BCL2L13: variants seen among roughly 807,000 people sequenced by gnomAD.
The protein encoded by BCL2L13 is BCL2 like 13.
BCL2L13 carries 13 observed loss-of-function variants against 25.8 expected under a neutral mutation model. The observed-to-expected ratio is 0.50, with a 90% CI of 0.33 to 0.80. The LOEUF is 0.80. Ranked by LOEUF, BCL2L13 falls within the 30% of genes least tolerant of loss-of-function variation. BCL2L13 has a pLI of 0.02. For synonymous variants in BCL2L13, 244 were observed against 230.3 expected, an observed-to-expected ratio of 1.06 and a Z score of -0.54; for missense variants, 504 against 574.9, an observed-to-expected ratio of 0.88 and a Z score of 1.26.
intron 6 of BCL2L13, among the ~76,000 whole-genome samples, chr22:17,720,502 A>G (rs1432072386): frequency 6.6e-6 from 1 of 151,830 alleles, no homozygotes; most frequent in Admixed American, 6.6e-5. Flanking sequence ...GATTACAGGC[A>G]TGTGCCACCA....
intron 2 of BCL2L13, among the ~76,000 whole-genome samples, chr22:17,656,129 A>T (rs1029196592): frequency 1.3e-5 from 2 of 150,730 alleles, no homozygotes; most frequent in Non-Finnish European, 3.0e-5. Context: ...TAGTCCAGCT[A>T]CTCAGGAGGC....
chr22:17,687,749 C>A (rs1022024115), intron 3 of BCL2L13, among the ~76,000 whole-genome samples: 6 of 151,726 alleles, frequency 4.0e-5, no homozygotes, highest in African/African-American at 9.7e-5. Flanking sequence ...GATCTCCTGA[C>A]CTCGTGATCT....
intron 1 of BCL2L13, among the ~76,000 whole-genome samples, chr22:17,640,995 A>G (rs984978575): frequency 1.3e-5 from 2 of 150,886 alleles, no homozygotes; most frequent in Non-Finnish European, 2.9e-5. Flanking sequence ...AGTTCACACC[A>G]TTCTCCTGCC....
intron 1 of BCL2L13, among the ~76,000 whole-genome samples, chr22:17,632,746 C>A (rs944253597): frequency 1.0e-4 from 14 of 139,478 alleles, no homozygotes; most frequent in Non-Finnish European, 2.2e-4. Flanking sequence ...CTTTATGATT[C>A]TTCTTCTTTT....
chr22:17,709,485 C>T (rs913459993), intron 6 of BCL2L13, among the ~76,000 whole-genome samples: 4 of 152,046 alleles, frequency 2.6e-5, no homozygotes, highest in Non-Finnish European at 5.9e-5. Context: ...GTCCCAGCAA[C>T]TCGGGAGGCT....
At chr22:17,712,461 A>G (rs1400959383) in intron 6 of BCL2L13, among the ~76,000 whole-genome samples, 3 of 152,218 alleles carry the variant, frequency 2.0e-5, no homozygotes, top group Non-Finnish European at 4.4e-5. Context: ...TAAGGGACAA[A>G]TGGGAACTTT....
chr22:17,726,621 T>C (rs2061305754), intron 6 of BCL2L13, 56 bp from the exon 7 acceptor site: 2 of 1,549,780 alleles, frequency 1.3e-6, no homozygotes, highest in Non-Finnish European at 1.7e-6. Context: ...CAGATTGATG[T>C]TTATGTTTTA....
chr22:17,723,911 G>A (rs568663297), intron 6 of BCL2L13, among the ~76,000 whole-genome samples: 16 of 148,180 alleles, frequency 1.1e-4, no homozygotes, highest in Non-Finnish European at 2.1e-4. Context: ...CCAGCCTGAT[G>A]ACAGAGTGAG....
chr22:17,652,934 G>A (rs905136407), intron 1 of BCL2L13, among the ~76,000 whole-genome samples: 12 of 151,932 alleles, frequency 7.9e-5, no homozygotes, highest in Non-Finnish European at 1.5e-4. Flanking sequence ...GCGTGGTGGC[G>A]GGCACCTGTA....
At chr22:17,684,747 T>TCAGCG (rs2059861029) in intron 3 of BCL2L13, 1 of 358,328 alleles carries the variant, frequency 2.8e-6, no homozygotes, top group African/African-American at 2.2e-5. Flanking sequence ...GTATTTTTTT[T>TCAGCG]TTTTTTGACA....
chr22:17,639,035 C>T, intron 1 of BCL2L13, 149 bp downstream of exon 1: 1 of 646,416 alleles, frequency 1.5e-6, no homozygotes, highest in Non-Finnish European at 2.2e-6. Context: ...TACACCGGCG[C>T]TCCTTCGCCC....
intron 6 of BCL2L13, among the ~76,000 whole-genome samples, chr22:17,704,095 T>C (rs1300608309): frequency 1.3e-5 from 2 of 152,190 alleles, no homozygotes; most frequent in Non-Finnish European, 2.9e-5. Context: ...CATTAATACT[T>C]CTTTTTTTTT....
chr22:17,668,612 G>A (rs138564219), intron 2 of BCL2L13, among the ~76,000 whole-genome samples: 103 of 151,890 alleles, frequency 6.8e-4, no homozygotes, highest in African/African-American at 2.4e-3. Context: ...CACCACAGGC[G>A]TGCACCACGA....
At chr22:17,639,581 ACTG>A (rs1457886013) in intron 1 of BCL2L13, among the ~76,000 whole-genome samples, 1 of 152,152 alleles carries the variant, frequency 6.6e-6, no homozygotes, top group Non-Finnish European at 1.5e-5. Context: ...CATGCTGTTG[ACTG>A]CTGGCTTTGG....
chr22:17,689,107 G>A lies in BCL2L13; in HGVS notation c.351G>A (p.Glu117=), dbSNP rs756663576. The change falls in exon 4 of 7, where the codon GAG becomes GAA. Residue 117 remains glutamate, a synonymous_variant. Transcript: ENST00000317582. ...LGEKVSQELK[E]PLHKALQMLL... is the part of the protein sequence containing the mutation. ...AAAAAGTGTCCCAGGAACTGAAAGA[G>A]CCTCTCCATAAAGCATTGCAAATGC... The A allele has an allele frequency of 1.2e-5, 19 of 1,614,040 alleles. No individual in the cohort carries two copies. The East Asian group carries it at 1.8e-4, about 15-fold the overall frequency.
rs571557906 is a variant in BCL2L13, at chr22:17,727,144, G to T, written c.1068G>T (p.Gly356=). The part of the protein sequence containing the change: ...LPHITATSLL[G]TREPDTEVIT... ...ATATCACTGCCACCTCCCTGCTGGG[G>T]ACAAGGGAACCTGACACAGAAGTGA... The change falls in exon 7 of 7, where the codon GGG becomes GGT. Residue 356 remains glycine, a synonymous_variant. Transcript: ENST00000317582. 336 of 1,614,208 alleles carry T rather than the reference G, an allele frequency of 2.1e-4. 2 individuals are homozygous for T. In the South Asian group the frequency reaches 3.5e-3, roughly 17 times the overall value.
intron 2 of BCL2L13, among the ~76,000 whole-genome samples, chr22:17,679,168 C>G (rs1233632846): frequency 6.6e-6 from 1 of 151,482 alleles, no homozygotes; most frequent in African/African-American, 2.4e-5. Flanking sequence ...CTGAATGCTT[C>G]TGGCTAAAAA....
At chr22:17,668,558 A>G (rs991182464) in intron 2 of BCL2L13, among the ~76,000 whole-genome samples, 1 of 151,380 alleles carries the variant, frequency 6.6e-6, no homozygotes, top group Non-Finnish European at 1.5e-5. Context: ...GGTTCAAGCA[A>G]TTCTCCTGCC....
Position 17,726,754 on chromosome 22 carries a change from C to G in BCL2L13, c.678C>G (p.Ile226Met). The G allele has an allele frequency of 6.2e-7, 1 of 1,614,192 alleles. No individual in the cohort carries two copies. ...ITAEDSNDIY[I>M]LPSDNSGQVS... is the part of the protein sequence containing the mutation. ...CAGAAGATAGCAATGACATTTACAT[C>G]CTGCCCAGCGACAACTCTGGACAAG... is the stretch of plus-strand genomic sequence containing the variant. The change falls in exon 7 of 7, where the codon ATC becomes ATG. Residue 226 changes from isoleucine to methionine, a missense_variant. Coordinates refer to ENST00000317582, the MANE Select transcript of BCL2L13 (RefSeq NM_015367.4).
Sources: allele counts gnomAD v4.1 joint callset (sites outside exome capture counted in the v4.1 genomes callset), GRCh38; gene constraint gnomAD v4.1.1; transcripts MANE v1.5; gene names NCBI Gene and HGNC (gene_info 2026-07-23, HGNC 2026-07-21).